The following FAAH2 variants were observed in gnomAD, a reference collection of about 807,000 sequenced individuals.
FAAH2 encodes the protein fatty acid amide hydrolase 2, also known as fatty-acid amide hydrolase 2.
Under a neutral mutation model 36.9 loss-of-function variants are expected in FAAH2, and 60 were observed. The ratio of observed to expected loss-of-function variants is 1.63; its 90% CI spans 1.32 to 2.02. The LOEUF is 2.02. Among genes scored for constraint, FAAH2 ranks in the 30% most tolerant of loss-of-function variants. The pLI is 0.00. For synonymous variants in FAAH2, 214 were observed against 143.8 expected, an observed-to-expected ratio of 1.49 and a Z score of -3.49; for missense variants, 689 against 397.5, an observed-to-expected ratio of 1.73 and a Z score of -6.23.
the FAAH2 span, among the ~76,000 whole-genome samples, chrX:57,254,721 A>T: frequency 8.9e-6 from 1 of 111,852 alleles, no homozygotes; most frequent in Non-Finnish European, 1.9e-5. Context: ...GTTCTTTGAA[A>T]CCAATGAGAA....
At chrX:57,189,801 T>G in the FAAH2 span, among the ~76,000 whole-genome samples, 1 of 111,850 alleles carries the variant, frequency 8.9e-6, no homozygotes, top group African/African-American at 3.2e-5. Context: ...CAGCCAGAGC[T>G]CTCTTGTATG....
chrX:57,416,991 C>T (rs2055863270), intron 7 of FAAH2, among the ~76,000 whole-genome samples: 1 of 111,539 alleles, frequency 9.0e-6, no homozygotes, highest in African/African-American at 3.3e-5. Flanking sequence ...TCTTCAATCT[C>T]TGATGCCCTT....
intron 3 of FAAH2, 46 bp from the exon 4 acceptor site, chrX:57,331,552 T>C (rs1389745589): frequency 3.6e-6 from 4 of 1,122,982 alleles, no homozygotes; most frequent in Admixed American, 4.7e-5. Context: ...AAAACAACTA[T>C]TTTTATTTAA....
chrX:57,319,947 G>A (rs1416691125), intron 3 of FAAH2, among the ~76,000 whole-genome samples: 1 of 111,640 alleles, frequency 9.0e-6, no homozygotes, highest in African/African-American at 3.3e-5. Flanking sequence ...ATGGTGCTGG[G>A]AGAAATGACT....
chrX:57,146,125 G>T, the FAAH2 span, among the ~76,000 whole-genome samples: 1 of 109,789 alleles, frequency 9.1e-6, no homozygotes, highest in Admixed American at 9.7e-5. Flanking sequence ...ATTTTGATGA[G>T]AATTGCATTA....
chrX:57,145,249 C>T, the FAAH2 span, among the ~76,000 whole-genome samples: 37 of 77,018 alleles, frequency 4.8e-4, no homozygotes, highest in Non-Finnish European at 7.4e-4. Context: ...TATGATCATT[C>T]TTTTGGGGGG....
At chrX:57,440,275 G>T (rs762983309) in intron 8 of FAAH2, among the ~76,000 whole-genome samples, 1 of 110,931 alleles carries the variant, frequency 9.0e-6, no homozygotes, top group African/African-American at 3.3e-5. Context: ...CTTTTATTTC[G>T]TTGAGAGGTG....
chrX:57,458,952 T>A (rs539061351), intron 10 of FAAH2, among the ~76,000 whole-genome samples: 2 of 111,628 alleles, frequency 1.8e-5, no homozygotes, highest in South Asian at 7.7e-4. Context: ...CAGTGGCGCC[T>A]GGAACTCCAC....
At chrX:57,228,548 G>C in the FAAH2 span, among the ~76,000 whole-genome samples, 2 of 111,037 alleles carry the variant, frequency 1.8e-5, no homozygotes, top group Admixed American at 9.6e-5. Flanking sequence ...AGGGTCTGTG[G>C]GTCCTCTCAG....
the FAAH2 span, among the ~76,000 whole-genome samples, chrX:57,168,850 A>T: frequency 8.9e-6 from 1 of 112,319 alleles, no homozygotes; most frequent in Non-Finnish European, 1.9e-5. Context: ...TAATCTTTCT[A>T]CTTGATAAAA....
At chrX:57,127,158 A>G in the FAAH2 span, 2 of 111,115 alleles carry the variant, frequency 1.8e-5, no homozygotes, top group African/African-American at 3.3e-5. Flanking sequence ...GACTTAAATG[A>G]TATAGTATCC....
chrX:57,475,751 G>T (rs760728609), intron 10 of FAAH2, among the ~76,000 whole-genome samples: 1 of 111,943 alleles, frequency 8.9e-6, no homozygotes, highest in South Asian at 3.7e-4. Flanking sequence ...TAGCTTGATG[G>T]GAATAGCATT....
the FAAH2 span, among the ~76,000 whole-genome samples, chrX:57,215,906 CATATATATATATAT>C: frequency 1.1e-5 from 1 of 89,533 alleles, no homozygotes; most frequent in Non-Finnish European, 2.2e-5. Flanking sequence ...CCATGGCACT[CATATATATATATAT>C]ATATATATAT....
At position 57,462,740 on chromosome X, in the gene FAAH2, A is replaced by T. The variant is rs891009440; in HGVS notation, c.1423+14022A>T. Among the ~76,000 whole-genome samples, 7 of 112,638 alleles carry T rather than the reference A, an allele frequency of 6.2e-5. No individual in the cohort carries two copies. The East Asian group carries it at 2.0e-3, about 31-fold the overall frequency. Reference sequence around the variant, plus strand: ...AAAATCTGGAAGCATTCCCTCTAACAACCAACACAAGACAAGGATGCCGTC... The same window carrying T: ...AAAATCTGGAAGCATTCCCTCTAACTACCAACACAAGACAAGGATGCCGTC... On this transcript the variant is annotated intron_variant, in intron 10 of 10. Transcript: ENST00000374900.
At chrX:57,368,027 T>TTACACCATGCTCATACCTAGTAG (rs2054460392) in intron 5 of FAAH2, among the ~76,000 whole-genome samples, 1 of 111,519 alleles carries the variant, frequency 9.0e-6, no homozygotes, top group African/African-American at 3.3e-5. Flanking sequence ...TTTGCCATCA[T>TTACACCATGCTCATACCTAGTAG]TACACCATGC....
At chrX:57,292,073 A>G (rs1312474551) in intron 1 of FAAH2, among the ~76,000 whole-genome samples, 1 of 111,028 alleles carries the variant, frequency 9.0e-6, no homozygotes, top group Non-Finnish European at 1.9e-5. Context: ...ATGCCCTTTT[A>G]TGTCTCCACT....
chrX:57,167,967 G>T, the FAAH2 span, among the ~76,000 whole-genome samples: 1 of 110,995 alleles, frequency 9.0e-6, no homozygotes, highest in Non-Finnish European at 1.9e-5. Context: ...GTTTTAGAAG[G>T]TCATTTTATT....
At chrX:57,369,561 G>A (rs1218280663) in intron 5 of FAAH2, among the ~76,000 whole-genome samples, 1 of 111,709 alleles carries the variant, frequency 9.0e-6, no homozygotes, top group Middle Eastern at 4.2e-3. Context: ...GAATGGGATG[G>A]TATATCAAAG....
At chrX:57,176,933 G>A in the FAAH2 span, among the ~76,000 whole-genome samples, 1 of 110,587 alleles carries the variant, frequency 9.0e-6, no homozygotes, top group East Asian at 2.9e-4. Context: ...CTAGAGGCGT[G>A]AGCAAGTTCT....
Sources: gnomAD v4.1 joint callset for allele counts (sites outside exome capture counted in the v4.1 genomes callset) on GRCh38, gnomAD v4.1.1 for gene constraint, MANE v1.5 for transcripts, NCBI Gene and HGNC (gene_info 2026-07-23, HGNC 2026-07-21) for gene names.